ZC3H7B: variants seen among roughly 807,000 people sequenced by gnomAD.
ZC3H7B encodes the protein zinc finger CCCH-type containing 7B.
A neutral mutation model predicts 116.0 loss-of-function variants in ZC3H7B; 35 were observed. The observed-to-expected ratio is 0.30, with a 90% CI of 0.23 to 0.40. The LOEUF (loss-of-function observed/expected upper bound fraction) is 0.40, where lower values mean the gene tolerates loss of function less well. Among genes scored for constraint, ZC3H7B ranks in the 10% least tolerant of loss-of-function variants. The probability of loss-of-function intolerance (pLI) is 1.00; values close to 1 mark genes in which losing one functional copy is unlikely to be tolerated. For synonymous variants in ZC3H7B, 502 were observed against 545.6 expected, an observed-to-expected ratio of 0.92 and a Z score of 1.11; for missense variants, 1,011 against 1,321.5, an observed-to-expected ratio of 0.77 and a Z score of 3.64.
At chr22:41,339,288 A>G (rs1022962626) in intron 9 of ZC3H7B, 97 bp downstream of exon 9, 1 of 1,429,332 alleles carries the variant, frequency 7.0e-7, no homozygotes, top group East Asian at 2.4e-5. Context: ...TGCTCATGTC[A>G]TGTGTCTCAG....
intron 1 of ZC3H7B, among the ~76,000 whole-genome samples, chr22:41,307,487 T>C (rs577201728): frequency 3.3e-5 from 5 of 152,356 alleles, no homozygotes; most frequent in Admixed American, 1.3e-4. Flanking sequence ...GGGACATTCC[T>C]GCATTCAGAG....
intron 1 of ZC3H7B, among the ~76,000 whole-genome samples, chr22:41,320,084 G>C (rs1048316978): frequency 6.8e-6 from 1 of 147,034 alleles, no homozygotes; most frequent in East Asian, 2.5e-4. Flanking sequence ...TGTCATCCCC[G>C]CACCTTGGGA....
intron 1 of ZC3H7B, 140 bp from the exon 2 acceptor site, chr22:41,320,515 C>G: frequency 1.0e-6 from 1 of 960,666 alleles, no homozygotes; most frequent in African/African-American, 1.6e-5. Flanking sequence ...GGTCATCGCC[C>G]TCAGGGACAC....
chr22:41,347,234 G>A (rs1426623494), intron 14 of ZC3H7B, among the ~76,000 whole-genome samples: 1 of 152,198 alleles, frequency 6.6e-6, no homozygotes, highest in Admixed American at 6.5e-5. Context: ...GGCTTCCCCC[G>A]CATCCCTTGT....
chr22:41,346,174 A>T lies in ZC3H7B; in HGVS notation c.1631A>T (p.Lys544Met). The T allele has an allele frequency of 6.2e-7, 1 of 1,611,966 alleles. No homozygotes were observed. Among genetic ancestry groups the T allele is most frequent in the Non-Finnish European group, 8.5e-7 (1 of 1,179,896 alleles). The change falls in exon 14 of 23, where the codon AAG (lysine) becomes ATG (methionine). Residue 544 changes from lysine to methionine, a missense_variant. Lys to Met is a moderately conservative substitution (Grantham distance 95). Around this residue, in one of 5 missense-constraint regions of ZC3H7B, gnomAD observed 179 missense variants for 178.5 expected, o/e 1.00. Transcript: ENST00000352645. The surrounding 1 kb of genome is among the most constrained non-coding windows in gnomAD (Gnocchi z 5.3). ...AGCCTCACCATCGCCAAGCTCCTGA[A>T]GGAGCACCAGGGCATCTTCACCTTC... ...RGSLTIAKLL[K>M]EHQGIFTFLC...
In ZC3H7B at chr22:41,339,039, C is replaced by T. The variant is rs1202112993; in HGVS notation, c.664C>T (p.Pro222Ser). 3 of 1,606,140 alleles carry T rather than the reference C, an allele frequency of 1.9e-6. No homozygotes were observed. The highest frequency in any genetic ancestry group is 2.6e-6 in the Non-Finnish European group (3 of 1,175,296). The change falls in exon 9 of 23, where the codon CCC (proline) becomes TCC (serine). Residue 222 changes from proline to serine, a missense_variant. Around this residue, in one of 5 missense-constraint regions of ZC3H7B, gnomAD observed 322 missense variants for 443.9 expected, o/e 0.73. Transcript: ENST00000352645. The part of the protein sequence containing the change: ...VDPRGSPALL[P>S]STPTMPLFPH... ...CCCTCGAGGCTCCCCAGCCCTTCTCCCCTCCACGCCCACGATGCCCCTGTT... is the reference window on the plus strand; with the variant it reads ...CCCTCGAGGCTCCCCAGCCCTTCTCTCCTCCACGCCCACGATGCCCCTGTT...
intron 1 of ZC3H7B, among the ~76,000 whole-genome samples, chr22:41,307,730 A>G (rs2036063645): frequency 6.6e-6 from 1 of 152,200 alleles, no homozygotes; most frequent in African/African-American, 2.4e-5. Context: ...CAGCTCTTCA[A>G]GACCAGAGCA....
At chr22:41,356,134 C>G in intron 20 of ZC3H7B, 72 bp downstream of exon 20, 2 of 1,464,160 alleles carry the variant, frequency 1.4e-6, no homozygotes, top group Non-Finnish European at 9.1e-7. Context: ...AATTCACCAG[C>G]GGGCCCAAGA....
At chr22:41,317,928 C>T (rs185691132) in intron 1 of ZC3H7B, among the ~76,000 whole-genome samples, 2 of 152,326 alleles carry the variant, frequency 1.3e-5, no homozygotes, top group African/African-American at 4.8e-5. Flanking sequence ...AGGATCCAGG[C>T]TGACTGCATG....
intron 2 of ZC3H7B, among the ~76,000 whole-genome samples, chr22:41,322,965 A>C (rs1002828728): frequency 6.6e-6 from 1 of 152,200 alleles, no homozygotes; most frequent in African/African-American, 2.4e-5. Flanking sequence ...ATGTCACCGC[A>C]GACTGGGTCC....
chr22:41,320,556 G>T, intron 1 of ZC3H7B, 99 bp from the exon 2 acceptor site: 1 of 1,325,674 alleles, frequency 7.5e-7, no homozygotes, highest in Non-Finnish European at 1.1e-6. Context: ...GAATGAGAGT[G>T]GGAGTGAGAG....
chr22:41,320,730 C>T lies in ZC3H7B; in HGVS notation c.53+17C>T. The T allele has an allele frequency of 6.2e-7, 1 of 1,612,654 alleles. No homozygotes were observed. Among genetic ancestry groups the T allele is most frequent in the Non-Finnish European group, 8.5e-7 (1 of 1,179,076 alleles). ...GTTCATTCAGTAAGCCTGCATGCGG[C>T]AGGGGCTGGACGGCTGGGTGGGCAA... On this transcript the variant is annotated intron_variant, in intron 2 of 22. Coordinates refer to ENST00000352645, the MANE Select transcript of ZC3H7B (RefSeq NM_017590.6).
chr22:41,356,110 G>C, intron 20 of ZC3H7B, 48 bp downstream of exon 20: 1 of 1,504,716 alleles, frequency 6.6e-7, no homozygotes, highest in Non-Finnish European at 8.9e-7. Flanking sequence ...TGTCTCTTCA[G>C]TGCTGAATGT....
At chr22:41,348,778 T>G (rs1453138800) in intron 15 of ZC3H7B, among the ~76,000 whole-genome samples, 3 of 152,204 alleles carry the variant, frequency 2.0e-5, no homozygotes, top group Admixed American at 6.5e-5. Context: ...TAATTAAGAC[T>G]CCTGGCCCAG....
At chr22:41,344,833 G>T (rs2036564526) in intron 13 of ZC3H7B, among the ~76,000 whole-genome samples, 1 of 152,190 alleles carries the variant, frequency 6.6e-6, no homozygotes, top group South Asian at 2.1e-4. Context: ...ATGAGACAGG[G>T]TCTTGCTCTG....
chr22:41,306,977 T>C (rs959994758), intron 1 of ZC3H7B, among the ~76,000 whole-genome samples: 24 of 148,708 alleles, frequency 1.6e-4, no homozygotes, highest in African/African-American at 5.9e-4. Context: ...TCCTTTCTTT[T>C]TTTTTTTTTT....
chr22:41,348,264 G>T, intron 15 of ZC3H7B, 97 bp downstream of exon 15: 1 of 1,093,226 alleles, frequency 9.1e-7, no homozygotes. Context: ...CTGAAAGGGT[G>T]GATGTAGGGT....
Position 41,338,282 on chromosome 22 carries a change from C to T in ZC3H7B, c.583-31C>T. 6.2e-7 allele frequency: 1 copy of T among 1,607,830 alleles called. No individual in the cohort carries two copies. The highest frequency in any genetic ancestry group is 8.5e-7 in the Non-Finnish European group (1 of 1,178,552). On this transcript the variant is annotated intron_variant, in intron 7 of 22. Coordinates refer to ENST00000352645, the MANE Select transcript of ZC3H7B (RefSeq NM_017590.6). The surrounding 1 kb of genome is among the most constrained non-coding windows in gnomAD (Gnocchi z 4.5). The stretch of plus-strand genomic sequence containing the variant: ...GGTGCTGGGATCGGGGCCTTCCCAG[C>T]CACAGCGCCACTGTGGCCCTCTCCC...
At chr22:41,322,178 A>C (rs2036266278) in intron 2 of ZC3H7B, among the ~76,000 whole-genome samples, 1 of 148,338 alleles carries the variant, frequency 6.7e-6, no homozygotes, top group Non-Finnish European at 1.5e-5. Flanking sequence ...CTGAGCACCC[A>C]CATGCCACAC....
Sources: allele counts gnomAD v4.1 joint callset (sites outside exome capture counted in the v4.1 genomes callset), GRCh38; gene constraint gnomAD v4.1.1; regional missense constraint gnomAD v4.1.1; non-coding constraint Gnocchi (gnomAD v3.1); transcripts MANE v1.5; gene names NCBI Gene and HGNC (gene_info 2026-07-23, HGNC 2026-07-21).